The following BCO2 variants were observed in gnomAD, a reference collection of about 807,000 sequenced individuals.
BCO2 encodes the protein beta-carotene oxygenase 2.
A neutral mutation model predicts 65.8 loss-of-function variants in BCO2; 56 were observed. The observed-to-expected ratio is 0.85, with a 90% CI of 0.69 to 1.06. BCO2 has a LOEUF of 1.06. BCO2 is among the 50% of genes least tolerant of loss of function. The pLI is 0.00. For missense variants in BCO2, 675 were observed against 698.5 expected (o/e 0.97, Z 0.38); for synonymous variants, 233 against 242.3 (o/e 0.96, Z 0.36).
At chr11:112,200,891 G>T (rs936431743) in intron 7 of BCO2, 118 bp downstream of exon 7, 8 of 1,077,886 alleles carry the variant, frequency 7.4e-6, no homozygotes, top group Non-Finnish European at 9.6e-6. Flanking sequence ...TTTTAATCAA[G>T]GATATTACCT....
chr11:112,200,682 C>A lies in BCO2; in HGVS notation c.935C>A (p.Ser312Tyr), dbSNP rs1423203879. Residue 312 changes from serine (S) to tyrosine (Y), a missense_variant, in exon 7 of 12, where the codon TCT becomes TAT. Coordinates refer to ENST00000357685, the MANE Select transcript of BCO2 (RefSeq NM_031938.7). ...LKMNLWKIAT[S>Y]KIRGKAFSDG... Reference sequence around the variant, plus strand: ...ATGAACCTGTGGAAAATTGCCACTTCTAAAATTCGGGGAAAGGCCTTTTCA... The same window carrying A: ...ATGAACCTGTGGAAAATTGCCACTTATAAAATTCGGGGAAAGGCCTTTTCA... 1.2e-6 allele frequency: 2 copies of A among 1,613,842 alleles called. No individual in the cohort carries two copies. The highest frequency in any genetic ancestry group is 3.3e-5 in the Admixed American group (2 of 59,924).
intron 8 of BCO2, among the ~76,000 whole-genome samples, chr11:112,207,018 A>G (rs1019316768): frequency 6.6e-6 from 1 of 152,218 alleles, no homozygotes. Flanking sequence ...GATTTTGTAT[A>G]TTATCTTCAT....
At chr11:112,177,383 A>C (rs1398982406) in intron 1 of BCO2, among the ~76,000 whole-genome samples, 1 of 152,210 alleles carries the variant, frequency 6.6e-6, no homozygotes, top group Non-Finnish European at 1.5e-5. Context: ...GCATTTTAGC[A>C]GTAACACCAG....
chr11:112,176,429 A>C (rs1866882277), intron 1 of BCO2: 1 of 140,662 alleles, frequency 7.1e-6, no homozygotes, highest in Non-Finnish European at 1.5e-5. Context: ...AGCAAATGAC[A>C]TGGCAACTGG....
intron 2 of BCO2, chr11:112,182,802 T>G: frequency 1.6e-6 from 1 of 637,170 alleles, no homozygotes; most frequent in East Asian, 2.7e-5. Flanking sequence ...TGTGTACATA[T>G]GTAACAAACC....
At position 112,180,646 on chromosome 11, in the gene BCO2, G is replaced by A. The variant is rs562628350; in HGVS notation, c.293+1164G>A. ...GCATGTGTGTGGTGTGTCCCCAAGG[G>A]CAGAAAGGTGGCGAAGGGAGGCGAA... On this transcript the variant is annotated intron_variant, in intron 2 of 11. Transcript: ENST00000357685. 4.0e-5 allele frequency: 27 copies of A among 677,966 alleles called. No homozygotes were observed. The East Asian group carries it at 7.0e-4, about 17-fold the overall frequency. 42.0% of individuals were successfully genotyped at this position (677,966 alleles called of 1,614,324 possible).
intron 2 of BCO2, among the ~76,000 whole-genome samples, chr11:112,189,893 T>C: frequency 6.6e-6 from 1 of 152,214 alleles, no homozygotes; most frequent in Non-Finnish European, 1.5e-5. Flanking sequence ...ACTTCCCTAT[T>C]GTTTTTATAA....
chr11:112,194,354 A>G (rs1867495560), intron 4 of BCO2: 2 of 409,816 alleles, frequency 4.9e-6, no homozygotes, highest in South Asian at 5.7e-5. Context: ...TAAAAAGAAA[A>G]TTTTAGACTA....
chr11:112,214,537 A>G (rs977949153), intron 9 of BCO2, among the ~76,000 whole-genome samples: 1 of 152,244 alleles, frequency 6.6e-6, no homozygotes, highest in Middle Eastern at 3.2e-3. Context: ...AATAAAACGC[A>G]TATCTCCACC....
Position 112,216,271 on chromosome 11 carries a change from C to T in BCO2, c.1567C>T (p.Pro523Ser). 1 of 1,614,156 alleles carries T rather than the reference C, an allele frequency of 6.2e-7. No individual in the cohort carries two copies. Among genetic ancestry groups the T allele is most frequent in the Non-Finnish European group, 8.5e-7 (1 of 1,180,020 alleles). The part of the protein sequence containing the change: ...YPSEPVFVPA[P>S]GTNEEDGGVI... ...CTCAGAACCTGTTTTTGTTCCAGCA[C>T]CAGGAACCAATGAAGAAGATGGTGG... The change falls in exon 11 of 12, where the codon CCA becomes TCA. Residue 523 changes from proline to serine, a missense_variant. Physicochemically the swap from Pro to Ser is moderately conservative, Grantham distance 74 (BLOSUM62 -1). Transcript: ENST00000357685.
At chr11:112,203,977 C>T (rs1015640815) in intron 8 of BCO2, among the ~76,000 whole-genome samples, 1 of 152,110 alleles carries the variant, frequency 6.6e-6, no homozygotes, top group Admixed American at 6.5e-5. Flanking sequence ...CCTCAGCCTC[C>T]CGAGTAGCTG....
intron 5 of BCO2, among the ~76,000 whole-genome samples, chr11:112,195,868 G>A (rs1423901534): frequency 6.6e-6 from 1 of 152,226 alleles, no homozygotes; most frequent in African/African-American, 2.4e-5. Flanking sequence ...TTCCGGTTTA[G>A]TAGAACTGAA....
chr11:112,208,237 C>T (rs1431368620), intron 8 of BCO2, among the ~76,000 whole-genome samples: 4 of 152,166 alleles, frequency 2.6e-5, no homozygotes, highest in Admixed American at 1.3e-4. Context: ...GCTGGGATTA[C>T]AGGAATGAGT....
chr11:112,202,267 G>A (rs770365541), intron 8 of BCO2, 77 bp downstream of exon 8: 26 of 1,305,500 alleles, frequency 2.0e-5, no homozygotes, highest in Non-Finnish European at 2.2e-5. Flanking sequence ...GGAATTACAT[G>A]TTTCTCTCTC....
intron 5 of BCO2, 131 bp downstream of exon 5, chr11:112,194,886 A>G (rs1867524277): frequency 1.8e-6 from 1 of 565,222 alleles, no homozygotes; most frequent in Non-Finnish European, 3.1e-6. Flanking sequence ...CTCTACACCC[A>G]GCTCTCTCTC....
At chr11:112,179,544 G>A (rs778504936) in intron 2 of BCO2, 62 bp downstream of exon 2, 2 of 1,398,860 alleles carry the variant, frequency 1.4e-6, no homozygotes, top group Non-Finnish European at 2.0e-6. Context: ...TGTGGAATAT[G>A]CATTAATATC....
At position 112,214,903 on chromosome 11, in the gene BCO2, G is replaced by T; in HGVS notation, c.1474G>T (p.Asp492Tyr). The T allele has an allele frequency of 6.2e-7, 1 of 1,614,194 alleles. No individual in the cohort carries two copies. Among genetic ancestry groups the T allele is most frequent in the South Asian group, 1.1e-5 (1 of 91,082 alleles). The change falls in exon 10 of 12, where the codon GAT becomes TAT. Residue 492 changes from aspartate to tyrosine, a missense_variant. Coordinates refer to ENST00000357685, the MANE Select transcript of BCO2 (RefSeq NM_031938.7). ...CTGTGGCTTTCGGCATTTAGTGGGG[G>T]ATTCTCTGATCAAGGTTGATGTGGT... ...YGCGFRHLVG[D>Y]SLIKVDVVNK...
Position 112,193,540 on chromosome 11 carries a change from A to G in BCO2, c.360A>G (p.Thr120=). The stretch of plus-strand genomic sequence containing the variant: ...TCAGAATGGCAAAGGGCACAGTGAC[A>G]TACAGGAGCAAGTTTCTACAGAGTG... The part of the protein sequence containing the change: ...HQFRMAKGTV[T]YRSKFLQSDT... Residue 120 remains threonine, a synonymous_variant, in exon 3 of 12, where the codon ACA becomes ACG. Transcript: ENST00000357685. 6.2e-7 allele frequency: 1 copy of G among 1,614,180 alleles called. No individual in the cohort carries two copies. The highest frequency in any genetic ancestry group is 1.1e-5 in the South Asian group (1 of 91,074).
intron 1 of BCO2, among the ~76,000 whole-genome samples, chr11:112,177,110 A>G (rs1289404185): frequency 6.6e-6 from 1 of 152,216 alleles, no homozygotes; most frequent in Non-Finnish European, 1.5e-5. Flanking sequence ...AGGCCATTCA[A>G]TTTACTTAAA....
Sources: allele counts gnomAD v4.1 joint callset (sites outside exome capture counted in the v4.1 genomes callset), GRCh38; gene constraint gnomAD v4.1.1; transcripts MANE v1.5; gene names NCBI Gene and HGNC (gene_info 2026-07-23, HGNC 2026-07-21).